The following PRKCB variants were observed in gnomAD, a reference collection of about 807,000 sequenced individuals.
The protein encoded by PRKCB is protein kinase C beta.
PRKCB carries 13 observed loss-of-function variants against 81.5 expected under a neutral mutation model. That is an observed-to-expected ratio of 0.16 (90% confidence interval 0.10 to 0.25). PRKCB has a LOEUF of 0.25. Among genes scored for constraint, PRKCB ranks in the 10% least tolerant of loss-of-function variants. The pLI is 1.00. For missense variants in PRKCB, 509 were observed against 875.7 expected (o/e 0.58, Z 5.29); for synonymous variants, 335 against 321.4 (o/e 1.04, Z -0.45).
intron 2 of PRKCB, among the ~76,000 whole-genome samples, chr16:23,918,699 T>C (rs947755054): frequency 3.3e-5 from 5 of 152,222 alleles, no homozygotes; most frequent in African/African-American, 1.2e-4. Flanking sequence ...GCCAGGCCTT[T>C]TGTGTTACTT....
chr16:24,036,080 T>G (rs910428073), intron 5 of PRKCB, among the ~76,000 whole-genome samples: 30 of 152,304 alleles, frequency 2.0e-4, no homozygotes, highest in Middle Eastern at 3.4e-3. Flanking sequence ...AATATTTCTT[T>G]CTTGAACCTG....
intron 5 of PRKCB, among the ~76,000 whole-genome samples, chr16:24,081,093 A>AT (rs938102670): frequency 6.6e-6 from 1 of 152,078 alleles, no homozygotes; most frequent in Non-Finnish European, 1.5e-5. Flanking sequence ...ACAATTTATC[A>AT]TTTTTTTCTT....
At chr16:24,214,601 CT>C (rs1968193855) in intron 16 of PRKCB, 56 bp from the exon 17 acceptor site, 10 of 1,459,472 alleles carry the variant, frequency 6.9e-6, no homozygotes, top group African/African-American at 1.4e-5. Context: ...TTTATTTTGG[CT>C]TTTGTTTTTG....
intron 2 of PRKCB, among the ~76,000 whole-genome samples, chr16:23,857,852 A>T (rs1260991022): frequency 1.3e-5 from 2 of 152,124 alleles, no homozygotes; most frequent in Non-Finnish European, 2.9e-5. Flanking sequence ...CATTAACTTG[A>T]GCTGACATTT....
Position 23,858,811 on chromosome 16 carries a change from T to C in PRKCB, c.205+21405T>C, listed in dbSNP as rs780945134. Among the ~76,000 whole-genome samples the C allele has an allele frequency of 3.2e-4, 49 of 152,148 alleles. 1 individual carries two copies. Among genetic ancestry groups the C allele is most frequent in the Non-Finnish European group, 4.6e-4 (31 of 68,010 alleles). On this transcript the variant is annotated intron_variant, in intron 2 of 16. Transcript: ENST00000643927. ...TCCCTGAAGAGCTGCACTAATTTAT[T>C]GAGGCACTGAGCTGGATGCTTCACA...
chr16:24,005,647 A>G (rs534895110), intron 3 of PRKCB, among the ~76,000 whole-genome samples: 2 of 152,204 alleles, frequency 1.3e-5, no homozygotes, highest in Non-Finnish European at 2.9e-5. Flanking sequence ...CTGGCCTCTG[A>G]TAAGTCTTGA....
intron 2 of PRKCB, among the ~76,000 whole-genome samples, chr16:23,853,833 T>C (rs1298203640): frequency 6.6e-6 from 1 of 151,380 alleles, no homozygotes; most frequent in Non-Finnish European, 1.5e-5. Context: ...TTGCCTGTTG[T>C]ATTAATCCAT....
intron 16 of PRKCB, chr16:24,208,279 A>G (rs1349381018): frequency 6.6e-6 from 1 of 152,274 alleles, no homozygotes; most frequent in Non-Finnish European, 1.5e-5. Context: ...CTCAAAAAAC[A>G]AAACAAAACA....
Position 24,022,897 on chromosome 16 carries a change from G to A in PRKCB, c.289-9239G>A, listed in dbSNP as rs1470023794. Among the ~76,000 whole-genome samples the A allele has an allele frequency of 3.9e-5, 6 of 152,336 alleles. No homozygotes were observed. The South Asian group carries it at 1.0e-3, about 26-fold the overall frequency. On this transcript the variant is annotated intron_variant, in intron 3 of 16. Transcript: ENST00000643927. The stretch of plus-strand genomic sequence containing the variant: ...CCAACGGTAGCTTCTTTACAGGCTT[G>A]ATATAGCTTCTGGGTTCCACACTGT...
intron 2 of PRKCB, among the ~76,000 whole-genome samples, chr16:23,898,319 G>A (rs1456569582): frequency 2.6e-5 from 4 of 152,080 alleles, no homozygotes; most frequent in South Asian, 2.1e-4. Flanking sequence ...CGCCCATCTC[G>A]GCCTCCCAAA....
chr16:23,841,605 A>T lies in PRKCB; in HGVS notation c.205+4199A>T, dbSNP rs1014367254. 6.1e-5 allele frequency among the ~76,000 whole-genome samples: 9 copies of T among 148,392 alleles called. No homozygotes were observed. The South Asian group carries it at 1.7e-3, about 28-fold the overall frequency. ...TGGGCTCAAGTGATTCTCCTGCCTC[A>T]GTGTCCTGAGTAGCTGGGACTGCAG... On this transcript the variant is annotated intron_variant, in intron 2 of 16. Coordinates refer to ENST00000643927, the MANE Select transcript of PRKCB (RefSeq NM_002738.7).
intron 5 of PRKCB, among the ~76,000 whole-genome samples, chr16:24,038,438 GA>G (rs1965652397): frequency 6.6e-6 from 1 of 152,252 alleles, no homozygotes; most frequent in African/African-American, 2.4e-5. Flanking sequence ...CACCATTCGG[GA>G]AAGGGCACGT....
intron 3 of PRKCB, among the ~76,000 whole-genome samples, chr16:24,021,345 TCCTTCCTTCCTCCTTC>T (rs1965398151): frequency 6.1e-5 from 2 of 32,558 alleles, no homozygotes. Context: ...CTTCCTTCCT[TCCTTCCTTCCTCCTTC>T]CCTCCCTCCC....
At chr16:24,041,027 C>G (rs1301333320) in intron 5 of PRKCB, among the ~76,000 whole-genome samples, 3 of 151,790 alleles carry the variant, frequency 2.0e-5, no homozygotes, top group Admixed American at 2.0e-4. Flanking sequence ...GTTTGTGAAG[C>G]CTGCGTGTTC....
At chr16:23,959,178 T>C (rs1160182293) in intron 2 of PRKCB, among the ~76,000 whole-genome samples, 2 of 152,174 alleles carry the variant, frequency 1.3e-5, no homozygotes, top group African/African-American at 4.8e-5. Context: ...CCTTACCCCC[T>C]GTGGATTATG....
chr16:23,836,716 C>G (rs111927308), intron 1 of PRKCB, among the ~76,000 whole-genome samples: 31 of 151,866 alleles, frequency 2.0e-4, no homozygotes, highest in Non-Finnish European at 3.7e-4. Flanking sequence ...GGTTCCCTAT[C>G]TCTCCGCCTG....
At chr16:24,212,149 C>T (rs939993421) in intron 16 of PRKCB, among the ~76,000 whole-genome samples, 4 of 152,140 alleles carry the variant, frequency 2.6e-5, no homozygotes, top group African/African-American at 9.7e-5. Flanking sequence ...CAATGCCCTT[C>T]ACCTGGGGTT....
intron 3 of PRKCB, among the ~76,000 whole-genome samples, chr16:24,002,404 G>A (rs913275435): frequency 6.6e-6 from 1 of 151,976 alleles, no homozygotes; most frequent in Admixed American, 6.6e-5. Flanking sequence ...GAGTGCAGTG[G>A]TGTGATCTCG....
In PRKCB at chr16:24,219,655, AACAC is replaced by A. The variant is rs869265824; in HGVS notation, c.*4884_*4887del. 0.15 allele frequency: 104,271 copies of A among 690,108 alleles called. 1,571 individuals carry two copies. Among genetic ancestry groups the A allele is most frequent in the Non-Finnish European group, 0.16 (91,904 of 578,552 alleles). 42.7% of individuals were successfully genotyped at this position (690,108 alleles called of 1,614,324 possible). ...ATCCTAAAGCCAAAGAAAATACAGC[AACAC>A]ACACACACACACACACACACACACA... On this transcript the variant is annotated 3_prime_UTR_variant, in exon 17 of 17. Transcript: ENST00000643927.
Sources: allele counts gnomAD v4.1 joint callset (sites outside exome capture counted in the v4.1 genomes callset), GRCh38; gene constraint gnomAD v4.1.1; transcripts MANE v1.5; gene names NCBI Gene and HGNC (gene_info 2026-07-23, HGNC 2026-07-21).